The following CA10 variants were observed in gnomAD, a reference collection of about 807,000 sequenced individuals.
CA10 encodes carbonic anhydrase-related protein 10.
A neutral mutation model predicts 44.2 loss-of-function variants in CA10; 14 were observed. The observed-to-expected ratio is 0.32, with a 90% confidence interval of 0.21 to 0.50. CA10 has a LOEUF of 0.50. CA10 is among the 20% of genes least tolerant of loss of function. The pLI, the probability that CA10 is intolerant of heterozygous loss-of-function variation, is 0.99. For synonymous variants in CA10, 159 were observed against 141.6 expected (o/e 1.12, Z -0.87); for missense variants, 350 against 409.7 (o/e 0.85, Z 1.26).
At chr17:51,679,416 C>G (rs1235022155) in intron 4 of CA10, among the ~76,000 whole-genome samples, 1 of 151,838 alleles carries the variant, frequency 6.6e-6, no homozygotes, top group Non-Finnish European at 1.5e-5. Flanking sequence ...CCCACCACCA[C>G]GCCCAGCTAA....
intron 2 of CA10, among the ~76,000 whole-genome samples, chr17:52,063,155 T>C (rs571789854): frequency 6.6e-6 from 1 of 152,328 alleles, no homozygotes; most frequent in South Asian, 2.1e-4. Flanking sequence ...ACCCCTTTCT[T>C]TTGGCCAATT....
At chr17:51,697,492 T>C (rs1915442038) in intron 4 of CA10, among the ~76,000 whole-genome samples, 1 of 152,214 alleles carries the variant, frequency 6.6e-6, no homozygotes, top group Non-Finnish European at 1.5e-5. Context: ...ATGAGGCTTG[T>C]CCTGACTCTT....
intron 4 of CA10, among the ~76,000 whole-genome samples, chr17:51,726,484 G>A (rs1008656437): frequency 1.3e-5 from 2 of 152,138 alleles, no homozygotes; most frequent in Admixed American, 6.5e-5. Flanking sequence ...GATGATGTAC[G>A]TGTTAATTAG....
intron 4 of CA10, among the ~76,000 whole-genome samples, chr17:51,745,294 T>C (rs1180079481): frequency 1.3e-5 from 2 of 152,220 alleles, no homozygotes; most frequent in Non-Finnish European, 2.9e-5. Context: ...GTTTTACAAA[T>C]GTACAAACCT....
At chr17:52,093,563 A>C (rs1205340497) in intron 1 of CA10, among the ~76,000 whole-genome samples, 3 of 152,130 alleles carry the variant, frequency 2.0e-5, no homozygotes, top group Admixed American at 6.6e-5. Flanking sequence ...ATCATCACTT[A>C]ACTTTTGTGT....
chr17:51,820,484 AGT>A (rs1353154729), intron 3 of CA10, among the ~76,000 whole-genome samples: 5 of 132,496 alleles, frequency 3.8e-5, no homozygotes, highest in African/African-American at 1.4e-4. Context: ...TCTATCAGAT[AGT>A]CTTTTTATTG....
At chr17:51,923,160 G>A (rs1890708674) in intron 3 of CA10, among the ~76,000 whole-genome samples, 1 of 152,118 alleles carries the variant, frequency 6.6e-6, no homozygotes, top group Non-Finnish European at 1.5e-5. Context: ...TTTTAAATGG[G>A]TAAGGATACT....
intron 2 of CA10, among the ~76,000 whole-genome samples, chr17:52,025,477 T>C (rs1020826768): frequency 2.0e-5 from 3 of 152,272 alleles, no homozygotes; most frequent in Non-Finnish European, 4.4e-5. Context: ...ACATTCCTCA[T>C]TGTGGCTCTT....
At chr17:52,071,275 G>C (rs1017407127) in intron 2 of CA10, among the ~76,000 whole-genome samples, 39 of 152,324 alleles carry the variant, frequency 2.6e-4, no homozygotes, top group African/African-American at 9.4e-4. Context: ...TTGGCAGCCA[G>C]TTGGCTTTTT....
intron 3 of CA10, among the ~76,000 whole-genome samples, chr17:51,828,914 G>T (rs546764598): frequency 6.6e-6 from 1 of 152,266 alleles, no homozygotes; most frequent in East Asian, 1.9e-4. Flanking sequence ...AATAGTGCAT[G>T]GCACATAGCC....
At chr17:52,034,417 T>C (rs994976045) in intron 2 of CA10, among the ~76,000 whole-genome samples, 2 of 152,196 alleles carry the variant, frequency 1.3e-5, no homozygotes, top group African/African-American at 4.8e-5. Flanking sequence ...AGTGGTTTGA[T>C]CTAGGTAGAA....
At chr17:51,882,811 G>T (rs910796873) in intron 3 of CA10, among the ~76,000 whole-genome samples, 4 of 152,176 alleles carry the variant, frequency 2.6e-5, no homozygotes, top group Admixed American at 2.6e-4. Context: ...CCTCTCTAGG[G>T]AGCCTACAAA....
At chr17:52,066,872 T>C (rs988391874) in intron 2 of CA10, among the ~76,000 whole-genome samples, 1 of 152,154 alleles carries the variant, frequency 6.6e-6, no homozygotes, top group Non-Finnish European at 1.5e-5. Flanking sequence ...CAGAAGAAAT[T>C]TCTAAGCAGA....
At chr17:52,031,085 T>C (rs1986452294) in intron 2 of CA10, among the ~76,000 whole-genome samples, 1 of 152,070 alleles carries the variant, frequency 6.6e-6, no homozygotes, top group Non-Finnish European at 1.5e-5. Context: ...CTAATAGAGG[T>C]ATACATCAAG....
intron 6 of CA10, among the ~76,000 whole-genome samples, chr17:51,644,132 T>C (rs1283951069): frequency 6.6e-6 from 1 of 151,910 alleles, no homozygotes; most frequent in Non-Finnish European, 1.5e-5. Context: ...ATTGATTTTT[T>C]TTGTAACTGG....
chr17:51,727,493 C>A (rs1293284663), intron 4 of CA10, among the ~76,000 whole-genome samples: 1 of 152,022 alleles, frequency 6.6e-6, no homozygotes. Flanking sequence ...GTGAGTGATG[C>A]CCAGAAATGC....
chr17:51,925,529 G>A (rs1314387122), intron 3 of CA10, among the ~76,000 whole-genome samples: 2 of 151,818 alleles, frequency 1.3e-5, no homozygotes, highest in Non-Finnish European at 1.5e-5. Flanking sequence ...GTGTAAAAAA[G>A]TGTGACAAAC....
chr17:51,648,841 C>T (rs1913442240), intron 6 of CA10, among the ~76,000 whole-genome samples: 1 of 152,150 alleles, frequency 6.6e-6, no homozygotes, highest in Non-Finnish European at 1.5e-5. Flanking sequence ...AGGGCTTTCT[C>T]AATCCCGTAA....
At chr17:51,879,841 C>T (rs1330148567) in intron 3 of CA10, among the ~76,000 whole-genome samples, 2 of 152,156 alleles carry the variant, frequency 1.3e-5, no homozygotes, top group Non-Finnish European at 2.9e-5. Context: ...TGACATGTGT[C>T]CGTGAGTGAA....
Sources: allele counts gnomAD v4.1 joint callset (sites outside exome capture counted in the v4.1 genomes callset), GRCh38; gene constraint gnomAD v4.1.1; transcripts MANE v1.5; gene names NCBI Gene and HGNC (gene_info 2026-07-23, HGNC 2026-07-21).